The following WAC variants were observed in gnomAD, a reference collection of about 807,000 sequenced individuals.
The protein encoded by WAC is WW domain-containing adapter protein with coiled-coil.
In WAC, 11 loss-of-function variants were observed where a neutral mutation model predicts 79.6. The ratio of observed to expected loss-of-function variants is 0.14; its 90% CI spans 0.09 to 0.23. WAC has a LOEUF of 0.23. WAC is among the 10% of genes least tolerant of loss of function. The pLI, the probability that WAC is intolerant of heterozygous loss-of-function variation, is 1.00. For missense variants in WAC, 728 were observed against 773.5 expected, an observed-to-expected ratio of 0.94 and a Z score of 0.70; for synonymous variants, 304 against 276.9, an observed-to-expected ratio of 1.10 and a Z score of -0.97.
intron 3 of WAC, among the ~76,000 whole-genome samples, chr10:28,562,809 C>T (rs1838371585): frequency 6.6e-6 from 1 of 152,022 alleles, no homozygotes; most frequent in South Asian, 2.1e-4. Context: ...AGGGCAAAAC[C>T]TCTAGCCTGT....
chr10:28,614,511 G>A (rs550335305), intron 10 of WAC, 56 bp from the exon 11 acceptor site: 68 of 1,343,844 alleles, frequency 5.1e-5, no homozygotes, highest in Non-Finnish European at 6.5e-5. Flanking sequence ...CTAGATTTTG[G>A]GGGGAGAGAT....
chr10:28,541,494 C>T (rs955572498), intron 3 of WAC, among the ~76,000 whole-genome samples: 2 of 134,866 alleles, frequency 1.5e-5, no homozygotes, highest in African/African-American at 5.5e-5. Context: ...GGCACGATCT[C>T]GATCTCACCT....
intron 7 of WAC, among the ~76,000 whole-genome samples, chr10:28,597,027 A>C (rs1355661719): frequency 1.3e-5 from 2 of 152,102 alleles, no homozygotes; most frequent in Non-Finnish European, 2.9e-5. Context: ...CTCAACTATA[A>C]ATACATTTTA....
In WAC at chr10:28,575,386, A is replaced by G. The variant is rs542032260; in HGVS notation, c.275-8013A>G. Among the ~76,000 whole-genome samples, 14 of 152,252 alleles carry G rather than the reference A, an allele frequency of 9.2e-5. No homozygotes were observed. In the East Asian group the frequency reaches 2.7e-3, roughly 29 times the overall value. On this transcript the variant is annotated intron_variant, in intron 3 of 13. Coordinates refer to ENST00000354911, the MANE Select transcript of WAC (RefSeq NM_016628.5). ...ATGGCTACAGATAACTATGCTTAAC[A>G]TTTTCAGGAACTACCAGACTGTTTG... is the stretch of plus-strand genomic sequence containing the variant.
intron 3 of WAC, among the ~76,000 whole-genome samples, chr10:28,581,579 G>T (rs1050504779): frequency 6.6e-6 from 1 of 152,056 alleles, no homozygotes; most frequent in African/African-American, 2.4e-5. Flanking sequence ...TTTTGAGACA[G>T]AGTCTTGCTC....
intron 7 of WAC, 126 bp from the exon 8 acceptor site, chr10:28,608,060 C>T (rs1841046701): frequency 1.0e-6 from 1 of 990,530 alleles, no homozygotes; most frequent in Non-Finnish European, 1.5e-6. Flanking sequence ...TCTGTGTGCT[C>T]CAGTGTGTAA....
chr10:28,601,088 A>G (rs531752441), intron 7 of WAC, among the ~76,000 whole-genome samples: 1 of 152,292 alleles, frequency 6.6e-6, no homozygotes, highest in East Asian at 1.9e-4. Context: ...AAATAGGCAC[A>G]TTGGACTTCG....
At chr10:28,596,082 T>C in intron 7 of WAC, 41 bp downstream of exon 7, 1 of 1,549,350 alleles carries the variant, frequency 6.5e-7, no homozygotes. Context: ...GAACTATAGT[T>C]TCTAAGTTTC....
At chr10:28,588,864 C>G (rs1839953528) in intron 4 of WAC, 1 of 152,070 alleles carries the variant, frequency 6.6e-6, no homozygotes, top group Non-Finnish European at 1.5e-5. Flanking sequence ...TGGGAACACT[C>G]AAAATCCTCT....
At chr10:28,539,317 C>T (rs1221370630) in intron 3 of WAC, among the ~76,000 whole-genome samples, 1 of 152,114 alleles carries the variant, frequency 6.6e-6, no homozygotes, top group Admixed American at 6.6e-5. Context: ...TCCCAAAAAC[C>T]TTGCTAGTTA....
intron 3 of WAC, among the ~76,000 whole-genome samples, chr10:28,581,406 CTT>C (rs1839530356): frequency 6.6e-6 from 1 of 151,778 alleles, no homozygotes; most frequent in Admixed American, 6.6e-5. Flanking sequence ...TCTTTCACCT[CTT>C]TATCAGTTAG....
At chr10:28,591,048 CATT>C in intron 6 of WAC, 2 of 476,882 alleles carry the variant, frequency 4.2e-6, no homozygotes, top group East Asian at 4.2e-5. Flanking sequence ...TCCCACTACA[CATT>C]ATGGCTATAA....
chr10:28,548,296 TAG>T (rs1315124379), intron 3 of WAC, among the ~76,000 whole-genome samples: 5 of 152,136 alleles, frequency 3.3e-5, no homozygotes, highest in Admixed American at 1.3e-4. Flanking sequence ...CCCTATCCGT[TAG>T]AGAGTCATCT....
chr10:28,542,658 C>T (rs1446904317), intron 3 of WAC, among the ~76,000 whole-genome samples: 1 of 152,196 alleles, frequency 6.6e-6, no homozygotes, highest in East Asian at 1.9e-4. Context: ...AAACTTGTAA[C>T]ATCAAATGTG....
At position 28,614,697 on chromosome 10, in the gene WAC, T is replaced by G. The variant is rs200619173; in HGVS notation, c.1556+12T>G. The G allele has an allele frequency of 1.3e-6, 2 of 1,590,134 alleles. No individual in the cohort carries two copies. Among genetic ancestry groups the G allele is most frequent in the Middle Eastern group, 3.3e-4 (2 of 6,016 alleles). On this transcript the variant is annotated intron_variant, in intron 11 of 13. Coordinates refer to ENST00000354911, the MANE Select transcript of WAC (RefSeq NM_016628.5). ...CTTCAGCGCTCAAGGTAGGTTGATA[T>G]TGTATATTGAGACCACATTGTTTTA...
intron 7 of WAC, among the ~76,000 whole-genome samples, chr10:28,604,748 C>G (rs1840853100): frequency 6.6e-6 from 1 of 152,106 alleles, no homozygotes; most frequent in South Asian, 2.1e-4. Flanking sequence ...CACAATTCCT[C>G]TCCCGAGGAA....
chr10:28,591,195 G>A (rs928518062), intron 6 of WAC: 4 of 214,502 alleles, frequency 1.9e-5, no homozygotes, highest in African/African-American at 4.8e-5. Flanking sequence ...AAATCTCACC[G>A]GCTTTTAGTC....
At chr10:28,534,627 T>C (rs1836516908) in intron 2 of WAC, among the ~76,000 whole-genome samples, 4 of 152,244 alleles carry the variant, frequency 2.6e-5, no homozygotes, top group Admixed American at 2.6e-4. Flanking sequence ...GGGTTCCTTT[T>C]TGTTACTGCA....
intron 3 of WAC, among the ~76,000 whole-genome samples, chr10:28,576,890 A>G (rs1026434681): frequency 2.0e-5 from 3 of 152,196 alleles, no homozygotes; most frequent in African/African-American, 7.2e-5. Flanking sequence ...CATGTAATCA[A>G]TATAAAAATA....
Sources: allele counts gnomAD v4.1 joint callset (sites outside exome capture counted in the v4.1 genomes callset), GRCh38; gene constraint gnomAD v4.1.1; transcripts MANE v1.5; gene names NCBI Gene and HGNC (gene_info 2026-07-23, HGNC 2026-07-21).